Variants in SMARCA4 observed in about 807,000 individuals in gnomAD.
SMARCA4 encodes SWI/SNF related BAF chromatin remodeling complex subunit ATPase 4.
SMARCA4 carries 31 observed loss-of-function variants against 193.9 expected under a neutral mutation model. That is an observed-to-expected ratio of 0.16 (90% CI 0.12 to 0.22). SMARCA4 has a LOEUF of 0.22. Among genes scored for constraint, SMARCA4 ranks in the 10% least tolerant of loss-of-function variants. The probability of loss-of-function intolerance (pLI) is 1.00; values close to 1 mark genes in which losing one functional copy is unlikely to be tolerated. For synonymous variants in SMARCA4, 942 were observed against 933.1 expected, an observed-to-expected ratio of 1.01 and a Z score of -0.17; for missense variants, 1,148 against 2,296.0, an observed-to-expected ratio of 0.50 and a Z score of 10.22.
intron 1 of SMARCA4, chr19:10,983,849 A>G (rs1277543981): frequency 7.6e-6 from 4 of 525,756 alleles, no homozygotes; most frequent in Non-Finnish European, 1.4e-5. Context: ...GTGATCAGGA[A>G]TATGGCAGGA....
rs1226383684 is a variant in SMARCA4, at chr19:11,022,274, T to C, written c.2859+307T>C. Among the ~76,000 whole-genome samples, 3 of 152,274 alleles carry C rather than the reference T, an allele frequency of 2.0e-5. No homozygotes were observed. In the East Asian group the frequency reaches 5.8e-4, roughly 29 times the overall value. On this transcript the variant is annotated intron_variant, in intron 19 of 34. Coordinates refer to ENST00000344626, the MANE Select transcript of SMARCA4 (RefSeq NM_003072.5). ...AGGCAGCTGTGGGACCGCAAGCGTGTGGAGAGCACAGCTAGAGGCTGTAGC... is the reference window on the plus strand; with the variant it reads ...AGGCAGCTGTGGGACCGCAAGCGTGCGGAGAGCACAGCTAGAGGCTGTAGC...
chr19:10,981,692 A>G (rs1256387018), intron 1 of SMARCA4, among the ~76,000 whole-genome samples: 1 of 152,066 alleles, frequency 6.6e-6, no homozygotes, highest in African/African-American at 2.4e-5. Context: ...ATATATCCCT[A>G]TGGCTGGGTG....
At chr19:11,039,424 AAC>A in intron 29 of SMARCA4, 2 of 1,359,888 alleles carry the variant, frequency 1.5e-6, no homozygotes, top group South Asian at 2.6e-5. Flanking sequence ...TGTGCACTGA[AAC>A]ACTAAACAGA....
chr19:10,998,329 G>A (rs564616557), intron 11 of SMARCA4, among the ~76,000 whole-genome samples: 158 of 152,228 alleles, frequency 1.0e-3, no homozygotes, highest in African/African-American at 3.6e-3. Context: ...AGTGCATGGC[G>A]GAGGTTAGCA....
chr19:10,981,671 CTT>C (rs1176174726), intron 1 of SMARCA4, among the ~76,000 whole-genome samples: 2 of 152,168 alleles, frequency 1.3e-5, no homozygotes, highest in African/African-American at 4.8e-5. Flanking sequence ...CCTTTCATCT[CTT>C]GTCTAAGAAT....
chr19:11,057,112 C>T (rs930649471), intron 30 of SMARCA4, among the ~76,000 whole-genome samples: 13 of 152,254 alleles, frequency 8.5e-5, no homozygotes, highest in Admixed American at 3.9e-4. Context: ...TTTTAGGCTT[C>T]GTCCGCCTGG....
chr19:10,986,532 CCCTGGCCCTGGCCCCGGCCCGGGT>C lies in SMARCA4; in HGVS notation c.702_725del (p.Gly237_Pro244del). The C allele has an allele frequency of 6.5e-7, 1 of 1,541,458 alleles. No individual in the cohort carries two copies. Among genetic ancestry groups the C allele is most frequent in the South Asian group, 1.2e-5 (1 of 83,958 alleles). On this transcript the variant is annotated inframe_deletion, in exon 4 of 35. Transcript: ENST00000344626. This position sits in a 1 kb window ranked among gnomAD's most constrained non-coding sequence, Gnocchi z 6.7. Reference sequence around the variant, plus strand: ...TGTCCGCAACAGGACCCGGCCCTGGCCCTGGCCCTGGCCCCGGCCCGGGTCCCGGCCCGGCACCTCCAAATTACA... The same window carrying C: ...TGTCCGCAACAGGACCCGGCCCTGGCCCCGGCCCGGCACCTCCAAATTACA...
intron 13 of SMARCA4, among the ~76,000 whole-genome samples, chr19:11,006,147 A>T (rs2088179963): frequency 6.6e-6 from 1 of 152,258 alleles, no homozygotes; most frequent in African/African-American, 2.4e-5. Flanking sequence ...AAAGCTTTGT[A>T]GCAGTTCCAT....
At chr19:11,013,652 A>G (rs1336616611) in intron 16 of SMARCA4, among the ~76,000 whole-genome samples, 1 of 152,042 alleles carries the variant, frequency 6.6e-6, no homozygotes, top group Non-Finnish European at 1.5e-5. Context: ...TGTCCTTTTC[A>G]AGTCCCACAA....
chr19:11,017,049 C>T (rs547707609), intron 16 of SMARCA4, among the ~76,000 whole-genome samples: 6 of 152,184 alleles, frequency 3.9e-5, no homozygotes, highest in East Asian at 1.9e-4. Flanking sequence ...TTCATGTGCG[C>T]GTGCTGATGC....
intron 30 of SMARCA4, among the ~76,000 whole-genome samples, chr19:11,052,518 C>T (rs930475197): frequency 1.3e-5 from 2 of 152,198 alleles, no homozygotes; most frequent in Non-Finnish European, 2.9e-5. Flanking sequence ...TCTGAGCCAA[C>T]GGCCCCTACA....
At chr19:10,996,734 T>A (rs191439516) in intron 11 of SMARCA4, among the ~76,000 whole-genome samples, 190 bp downstream of exon 11, 4 of 148,894 alleles carry the variant, frequency 2.7e-5, no homozygotes, top group African/African-American at 9.7e-5. Context: ...CTTCCAGACC[T>A]TTTTCTATGC....
At chr19:10,989,954 T>C (rs2086411572) in intron 7 of SMARCA4, among the ~76,000 whole-genome samples, 1 of 152,062 alleles carries the variant, frequency 6.6e-6, no homozygotes, top group African/African-American at 2.4e-5. Context: ...TGCCTTGGCC[T>C]CCCAAAGTGC....
At chr19:11,005,402 G>A (rs1204141113) in intron 13 of SMARCA4, among the ~76,000 whole-genome samples, 1 of 152,132 alleles carries the variant, frequency 6.6e-6, no homozygotes, top group Non-Finnish European at 1.5e-5. Context: ...TTGTCACTTA[G>A]TGGTCATCCA....
Position 11,003,114 on chromosome 19 carries a change from C to G in SMARCA4, c.1898C>G (p.Ala633Gly), listed in dbSNP as rs760352227. ...ESGKILTGTD[A>G]PKAGQLEAWL... ...GGGAAGATCCTCACAGGCACAGATG[C>G]CCCCAAAGCCGGGCAGCTGGAGGCC... is the stretch of plus-strand genomic sequence containing the variant. Residue 633 changes from alanine (A) to glycine (G), a missense_variant, in exon 12 of 35, where the codon GCC becomes GGC. Around this residue, in one of 17 missense-constraint regions of SMARCA4, gnomAD observed 115 missense variants for 175.1 expected, o/e 0.66. Transcript: ENST00000344626. The G allele has an allele frequency of 6.2e-7, 1 of 1,614,064 alleles. No individual in the cohort carries two copies. The highest frequency in any genetic ancestry group is 1.1e-5 in the South Asian group (1 of 91,086).
rs1222895303 is a variant in SMARCA4 at position 10,987,887 on chromosome 19, C to G, written c.1081C>G (p.Leu361Val). 6.2e-7 allele frequency: 1 copy of G among 1,613,002 alleles called. No homozygotes were observed. Among genetic ancestry groups the G allele is most frequent in the Non-Finnish European group, 8.5e-7 (1 of 1,179,954 alleles). ...CACCCCCATCCAGAAGCCGCGGGGC[C>G]TCGACCCTGTGGAGATCCTGCAGGA... ...RITPIQKPRGLDPVEILQERE... is the reference protein window; with the variant it reads ...RITPIQKPRGVDPVEILQERE... Residue 361 changes from leucine to valine, a missense_variant, in exon 6 of 35, where the codon CTC (leucine) becomes GTC (valine). Around this residue, in one of 17 missense-constraint regions of SMARCA4, gnomAD observed 257 missense variants for 276.5 expected, o/e 0.93. Transcript: ENST00000344626. The surrounding 1 kb of genome is among the most constrained non-coding windows in gnomAD (Gnocchi z 5.3).
At chr19:11,054,513 G>T (rs1239410467) in intron 30 of SMARCA4, among the ~76,000 whole-genome samples, 1 of 152,176 alleles carries the variant, frequency 6.6e-6, no homozygotes, top group Admixed American at 6.5e-5. Flanking sequence ...CTGTGCATTG[G>T]GCCAGGTGCG....
In SMARCA4 at chr19:11,024,370, C is replaced by T. The variant is rs2146473376; in HGVS notation, c.3013C>T (p.Arg1005Ter). Residue 1005 changes from arginine (R) to a stop codon, truncating the protein, a stop_gained, in exon 21 of 35, where the codon CGA (arginine) becomes TGA (stop). Coordinates refer to ENST00000344626, the MANE Select transcript of SMARCA4 (RefSeq NM_003072.5). LOFTEE classifies it high-confidence loss of function. ...CAAGTGCGACATGTCTGCGCTGCAG[C>T]GAGTGCTCTACCGCCACATGCAGGC... ...VIKCDMSALQ[R>*]VLYRHMQAKG... is the part of the protein sequence containing the mutation. 6.2e-7 allele frequency: 1 copy of T among 1,613,042 alleles called. No homozygotes were observed. Among genetic ancestry groups the T allele is most frequent in the Non-Finnish European group, 8.5e-7 (1 of 1,179,776 alleles).
chr19:11,026,497 C>CTTTT (rs35017701), intron 23 of SMARCA4, 151 bp downstream of exon 23: 51 of 415,104 alleles, frequency 1.2e-4, no homozygotes, highest in South Asian at 1.4e-4. Flanking sequence ...TAATACAAAT[C>CTTTT]TTTTTTTTTT....
Sources: gnomAD v4.1 joint callset for allele counts (sites outside exome capture counted in the v4.1 genomes callset) on GRCh38, gnomAD v4.1.1 for gene constraint, gnomAD v4.1.1 regional missense constraint, Gnocchi (gnomAD v3.1) non-coding constraint, MANE v1.5 for transcripts, NCBI Gene and HGNC (gene_info 2026-07-23, HGNC 2026-07-21) for gene names.